BLTP1: variants seen among roughly 807,000 people sequenced by gnomAD.
BLTP1 encodes the protein fragile site-associated protein.
the BLTP1 span, chr4:122,196,870 G>C: frequency 3.0e-6 from 2 of 675,252 alleles, no homozygotes; most frequent in African/African-American, 1.9e-5. Context: ...CTGGTGACTA[G>C]TCCCATACTT....
the BLTP1 span, among the ~76,000 whole-genome samples, chr4:122,178,460 A>T: frequency 6.6e-6 from 1 of 152,284 alleles, no homozygotes; most frequent in African/African-American, 2.4e-5. Context: ...AAAAATGAAA[A>T]CAGGATTACT....
At chr4:122,261,956 A>G in the BLTP1 span, 1 of 985,412 alleles carries the variant, frequency 1.0e-6, no homozygotes, top group Non-Finnish European at 1.2e-6. Context: ...AGGGCTTCAC[A>G]GCACTGGTAT....
the BLTP1 span, among the ~76,000 whole-genome samples, chr4:122,244,359 C>T: frequency 1.8e-4 from 27 of 151,954 alleles, no homozygotes; most frequent in South Asian, 4.4e-3. Context: ...GTGGAACCCG[C>T]GGATCAAAAA....
At chr4:122,284,763 T>C in the BLTP1 span, among the ~76,000 whole-genome samples, 1 of 152,186 alleles carries the variant, frequency 6.6e-6, no homozygotes, top group South Asian at 2.1e-4. Flanking sequence ...TTATCGTTGT[T>C]ATTAATCTCT....
the BLTP1 span, chr4:122,174,400 T>A: frequency 1.0e-6 from 1 of 961,144 alleles, no homozygotes; most frequent in Admixed American, 6.2e-5. Flanking sequence ...TGGCACTTTT[T>A]GTTTTATTGG....
chr4:122,172,777 T>G, the BLTP1 span, among the ~76,000 whole-genome samples: 1 of 152,206 alleles, frequency 6.6e-6, no homozygotes, highest in Non-Finnish European at 1.5e-5. Flanking sequence ...AGGCCATATT[T>G]TTTACATAAT....
At chr4:122,344,765 A>C in the BLTP1 span, 8 of 976,744 alleles carry the variant, frequency 8.2e-6, no homozygotes, top group Non-Finnish European at 8.5e-6. Context: ...ATAAATAGAC[A>C]TATCACCCAA....
the BLTP1 span, among the ~76,000 whole-genome samples, chr4:122,219,875 T>C: frequency 6.6e-6 from 1 of 152,168 alleles, no homozygotes; most frequent in African/African-American, 2.4e-5. Context: ...TTCAAGGACT[T>C]TACATTTTCT....
At chr4:122,245,048 A>G in the BLTP1 span, 21 of 1,611,628 alleles carry the variant, frequency 1.3e-5, no homozygotes, top group Non-Finnish European at 1.6e-5. Context: ...TCATTGTGCT[A>G]GTACCCGACA....
At chr4:122,169,039 C>T in the BLTP1 span, among the ~76,000 whole-genome samples, 1 of 152,132 alleles carries the variant, frequency 6.6e-6, no homozygotes, top group Non-Finnish European at 1.5e-5. Context: ...CCTTGAACTC[C>T]TAGGCTCAAG....
the BLTP1 span, chr4:122,274,580 A>G: frequency 7.4e-7 from 1 of 1,355,106 alleles, no homozygotes; most frequent in South Asian, 1.8e-5. Flanking sequence ...GAATATCACC[A>G]AATAAAATAT....
chr4:122,254,142 G>A, the BLTP1 span: 1 of 1,557,842 alleles, frequency 6.4e-7, no homozygotes, highest in Non-Finnish European at 8.8e-7. Context: ...CTCTGTGTTA[G>A]TGGTTTTAAG....
the BLTP1 span, chr4:122,313,735 T>C: frequency 8.1e-6 from 9 of 1,115,726 alleles, no homozygotes; most frequent in Non-Finnish European, 1.2e-5. Flanking sequence ...ATTCTGCCTT[T>C]ATTTTAATGG....
At chr4:122,350,308 T>C in the BLTP1 span, 2 of 984,890 alleles carry the variant, frequency 2.0e-6, no homozygotes, top group Non-Finnish European at 2.4e-6. Flanking sequence ...TCTGCATCCA[T>C]ACCCACTCCA....
At chr4:122,205,371 A>G in the BLTP1 span, among the ~76,000 whole-genome samples, 2 of 151,848 alleles carry the variant, frequency 1.3e-5, no homozygotes, top group Non-Finnish European at 3.0e-5. Flanking sequence ...TATTTTGTAC[A>G]AGAGAAAACT....
chr4:122,238,381 T>G, the BLTP1 span: 1 of 1,564,324 alleles, frequency 6.4e-7, no homozygotes, highest in Non-Finnish European at 8.8e-7. Context: ...AGAAGCCTGA[T>G]CATAAATAGG....
At chr4:122,236,863 G>A in the BLTP1 span, 1 of 984,322 alleles carries the variant, frequency 1.0e-6, no homozygotes. Context: ...CTTGTCCAGG[G>A]AAGCTTGGAA....
the BLTP1 span, chr4:122,289,184 A>G: frequency 6.2e-7 from 1 of 1,605,772 alleles, no homozygotes; most frequent in Non-Finnish European, 8.5e-7. Flanking sequence ...GTAATACAAA[A>G]AGTTTCTGGT....
the BLTP1 span, among the ~76,000 whole-genome samples, chr4:122,192,589 A>G: frequency 6.6e-6 from 1 of 152,086 alleles, no homozygotes; most frequent in African/African-American, 2.4e-5. Context: ...TAGACTTAGT[A>G]TCTAATTCTG....
Sources: gnomAD v4.1 joint callset for allele counts (sites outside exome capture counted in the v4.1 genomes callset) on GRCh38, gnomAD v4.1.1 for gene constraint, MANE v1.5 for transcripts, NCBI Gene and HGNC (gene_info 2026-07-23, HGNC 2026-07-21) for gene names.